WDFY3: variants seen among roughly 807,000 people sequenced by gnomAD.
The protein encoded by WDFY3 is WD repeat and FYVE domain containing 3.
In WDFY3, 66 loss-of-function variants were observed where a neutral mutation model predicts 409.6. The ratio of observed to expected loss-of-function variants is 0.16; its 90% CI spans 0.13 to 0.20. The LOEUF (loss-of-function observed/expected upper bound fraction) is 0.20. WDFY3 is among the 10% of genes least tolerant of loss of function. The pLI, the probability that WDFY3 is intolerant of heterozygous loss-of-function variation, is 1.00. For missense variants in WDFY3, 3,031 were observed against 4,298.1 expected, an observed-to-expected ratio of 0.71 and a Z score of 8.24; for synonymous variants, 1,521 against 1,537.1, an observed-to-expected ratio of 0.99 and a Z score of 0.25.
intron 37 of WDFY3, among the ~76,000 whole-genome samples, chr4:84,743,072 A>G (rs1738737712): frequency 6.6e-6 from 1 of 152,316 alleles, no homozygotes; most frequent in Non-Finnish European, 1.5e-5. Context: ...TTACTTCGGG[A>G]AAAAAATTGT....
chr4:84,819,994 G>T (rs887158069), intron 12 of WDFY3, 91 bp downstream of exon 12: 2 of 1,165,190 alleles, frequency 1.7e-6, no homozygotes, highest in Non-Finnish European at 2.4e-6. Flanking sequence ...TTTCTCTAAA[G>T]TGACAGGAAG....
chr4:84,889,795 A>G (rs1439422940), intron 3 of WDFY3, among the ~76,000 whole-genome samples: 1 of 152,222 alleles, frequency 6.6e-6, no homozygotes, highest in Non-Finnish European at 1.5e-5. Context: ...ACCACATGGA[A>G]GGCAATCAAT....
chr4:84,733,193 A>T (rs558236001), intron 44 of WDFY3, among the ~76,000 whole-genome samples, 189 bp downstream of exon 44: 1 of 152,254 alleles, frequency 6.6e-6, no homozygotes, highest in African/African-American at 2.4e-5. Flanking sequence ...CCTCTTTATT[A>T]TGATGTCTCC....
intron 22 of WDFY3, among the ~76,000 whole-genome samples, chr4:84,788,242 C>T (rs747322888): frequency 1.3e-5 from 2 of 152,132 alleles, no homozygotes; most frequent in Non-Finnish European, 2.9e-5. Flanking sequence ...GGATGAAGGA[C>T]ACTTCCATTA....
At chr4:84,860,820 TG>T (rs924843754) in intron 3 of WDFY3, among the ~76,000 whole-genome samples, 198 bp from the exon 4 acceptor site, 1 of 152,208 alleles carries the variant, frequency 6.6e-6, no homozygotes, top group Admixed American at 6.5e-5. Flanking sequence ...ATCTCAGCAT[TG>T]GAAGTTCTTA....
At chr4:84,785,172 A>G (rs577482544) in intron 24 of WDFY3, among the ~76,000 whole-genome samples, 3 of 151,962 alleles carry the variant, frequency 2.0e-5, no homozygotes, top group East Asian at 1.9e-4. Flanking sequence ...TGTCTTTACA[A>G]TTGCCCCATG....
At chr4:84,950,024 TAAA>T (rs2151106574) in intron 1 of WDFY3, among the ~76,000 whole-genome samples, 1 of 152,088 alleles carries the variant, frequency 6.6e-6, no homozygotes, top group Non-Finnish European at 1.5e-5. Context: ...ATAGACTGGA[TAAA>T]GAAAATGTGG....
intron 4 of WDFY3, among the ~76,000 whole-genome samples, chr4:84,859,910 T>A (rs528256463): frequency 5.9e-5 from 9 of 152,312 alleles, no homozygotes; most frequent in Admixed American, 5.2e-4. Flanking sequence ...CCCAACAAGA[T>A]TGCTACATGT....
intron 1 of WDFY3, among the ~76,000 whole-genome samples, chr4:84,955,618 G>A (rs1774148297): frequency 1.3e-5 from 2 of 152,122 alleles, no homozygotes. Context: ...AATGGGGAAA[G>A]AAAGATAGGT....
chr4:84,834,812 A>G (rs1756339699), intron 7 of WDFY3, among the ~76,000 whole-genome samples: 1 of 152,254 alleles, frequency 6.6e-6, no homozygotes, highest in Non-Finnish European at 1.5e-5. Flanking sequence ...CTAAAGTCCC[A>G]GGAAACCGTC....
At chr4:84,802,255 C>CTT (rs776901894) in intron 16 of WDFY3, among the ~76,000 whole-genome samples, 3 of 137,786 alleles carry the variant, frequency 2.2e-5, no homozygotes, top group Non-Finnish European at 3.2e-5. Context: ...CAGAAGCATA[C>CTT]TTTTTTTTTT....
At chr4:84,709,181 A>G in intron 52 of WDFY3, 112 bp downstream of exon 52, 1 of 1,410,664 alleles carries the variant, frequency 7.1e-7, no homozygotes, top group Non-Finnish European at 9.6e-7. Flanking sequence ...GAATGAAAAT[A>G]AAACATTTTC....
chr4:84,885,326 A>T (rs1764054298), intron 3 of WDFY3, among the ~76,000 whole-genome samples: 1 of 96,534 alleles, frequency 1.0e-5, no homozygotes, highest in South Asian at 4.1e-4. Flanking sequence ...ACATACATAT[A>T]CATATGTGTG....
At chr4:84,882,717 TA>T (rs920900009) in intron 3 of WDFY3, among the ~76,000 whole-genome samples, 22 of 151,294 alleles carry the variant, frequency 1.5e-4, no homozygotes, top group East Asian at 5.8e-4. Context: ...GTTTCACCTA[TA>T]TTTTTTTTTT....
At chr4:84,743,628 A>G (rs1738832833) in intron 37 of WDFY3, 72 bp downstream of exon 37, 1 of 1,177,142 alleles carries the variant, frequency 8.5e-7, no homozygotes, top group Non-Finnish European at 1.1e-6. Context: ...TGATGTTAAA[A>G]AGTAGTTTTA....
intron 7 of WDFY3, 123 bp from the exon 8 acceptor site, chr4:84,831,728 A>G: frequency 1.3e-6 from 1 of 767,650 alleles, no homozygotes; most frequent in Non-Finnish European, 2.0e-6. Flanking sequence ...GCCAACAGGT[A>G]TATGAAAAAA....
chr4:84,678,469 G>A (rs1397444428), intron 65 of WDFY3, among the ~76,000 whole-genome samples, 190 bp from the exon 66 acceptor site: 1 of 152,194 alleles, frequency 6.6e-6, no homozygotes, highest in Non-Finnish European at 1.5e-5. Context: ...CATGGGCCAG[G>A]CTGGAGAAAC....
chr4:84,709,017 G>A lies in WDFY3; in HGVS notation c.8109C>T (p.Ile2703=), dbSNP rs185982557. 454 of 1,613,776 alleles carry A rather than the reference G, an allele frequency of 2.8e-4. 4 individuals are homozygous for A. The East Asian group carries it at 8.1e-3, about 29-fold the overall frequency. Residue 2703 remains isoleucine, a synonymous_variant, in exon 53 of 68, where the codon ATC becomes ATT. Transcript: ENST00000295888. ...AATGCATCAAATATTGGAAGTTGCT[G>A]ATTTCACCTCTCTGGAAAAAGATAA... ...SVTQRWERGE[I]SNFQYLMHLN...
intron 57 of WDFY3, 146 bp downstream of exon 57, chr4:84,696,586 G>T: frequency 1.5e-6 from 1 of 672,502 alleles, no homozygotes; most frequent in Non-Finnish European, 2.5e-6. Flanking sequence ...CATCAACTGG[G>T]GTTCTTGGGA....
Sources: allele counts gnomAD v4.1 joint callset (sites outside exome capture counted in the v4.1 genomes callset), GRCh38; gene constraint gnomAD v4.1.1; transcripts MANE v1.5; gene names NCBI Gene and HGNC (gene_info 2026-07-23, HGNC 2026-07-21).